The following SH2D3A variants were observed in gnomAD, a reference collection of about 807,000 sequenced individuals.
The protein encoded by SH2D3A is SH2 domain containing 3A, also known as SH2 domain-containing protein 3A.
SH2D3A carries 46 observed loss-of-function variants against 50.6 expected under a neutral mutation model. The observed-to-expected ratio is 0.91, with a 90% CI of 0.72 to 1.16. The LOEUF (loss-of-function observed/expected upper bound fraction) is 1.16, where lower values mean the gene tolerates loss of function less well. Ranked by LOEUF, SH2D3A falls within the 50% of genes most tolerant of loss-of-function variation. The probability of loss-of-function intolerance (pLI) is 0.00; values close to 1 mark genes in which losing one functional copy is unlikely to be tolerated. For missense variants in SH2D3A, 783 were observed against 786.2 expected (o/e 1.00, Z 0.05); for synonymous variants, 377 against 348.4 (o/e 1.08, Z -0.91).
In SH2D3A at chr19:6,754,126, C is replaced by T; in HGVS notation, c.1310G>A (p.Arg437Lys). Residue 437 changes from arginine (R) to lysine (K), a missense_variant, in exon 8 of 10, where the codon AGG becomes AAG. Coordinates refer to ENST00000245908, the MANE Select transcript of SH2D3A (RefSeq NM_005490.3). ...RLEHTWRQLRRSHTEAALAFE... is the reference protein window; with the variant it reads ...RLEHTWRQLRKSHTEAALAFE... ...GGCCAGCGCAGCCTCCGTGTGGCTC[C>T]TTCGGAGCTGGCGCCACGTGTGCTC... 1 of 1,613,618 alleles carries T rather than the reference C, an allele frequency of 6.2e-7. No individual in the cohort carries two copies. Among genetic ancestry groups the T allele is most frequent in the Non-Finnish European group, 8.5e-7 (1 of 1,179,808 alleles).
Position 6,760,756 on chromosome 19 carries a change from G to A in SH2D3A, c.301C>T (p.Pro101Ser), listed in dbSNP as rs747416409. ...LVHSYMTGRR[P>S]LSQATGAVVS... ...ACAGCCCCTGTGGCCTGGGACAGTG[G>A]GCGCCTGCCTGTCATATAACTGTGA... The change falls in exon 3 of 10, where the codon CCA (proline) becomes TCA (serine). Residue 101 changes from proline to serine, a missense_variant. Coordinates refer to ENST00000245908, the MANE Select transcript of SH2D3A (RefSeq NM_005490.3). 2.5e-6 allele frequency: 4 copies of A among 1,614,042 alleles called. No individual in the cohort carries two copies. Among genetic ancestry groups the A allele is most frequent in the African/African-American group, 1.3e-5 (1 of 74,926 alleles).
intron 1 of SH2D3A, 89 bp from the exon 2 acceptor site, chr19:6,763,905 C>CTT (rs1168778786): frequency 0.026 from 2,809 of 108,592 alleles, 42 homozygotes; most frequent in African/African-American, 0.035. Flanking sequence ...TCCATCAAAT[C>CTT]TTTTTTTTTT....
chr19:6,754,095 C>A lies in SH2D3A; in HGVS notation c.1341G>T (p.Glu447Asp). Residue 447 changes from glutamate to aspartate, a missense_variant, in exon 8 of 10, where the codon GAG becomes GAT. By Grantham distance (45) the Glu-to-Asp change is conservative (BLOSUM62 2). Transcript: ENST00000245908. ...RSHTEAALAF[E>D]QELKPLMRAL... ...CCCGCATCAGCGGCTTCAGCTCCTG[C>A]TCAAAGGCCAGCGCAGCCTCCGTGT... 2.5e-6 allele frequency: 4 copies of A among 1,613,072 alleles called. No individual in the cohort carries two copies. The highest frequency in any genetic ancestry group is 3.4e-6 in the Non-Finnish European group (4 of 1,179,522).
At chr19:6,762,997 G>T (rs779254434) in intron 2 of SH2D3A, among the ~76,000 whole-genome samples, 24 of 152,084 alleles carry the variant, frequency 1.6e-4, no homozygotes, top group Non-Finnish European at 3.2e-4. Context: ...GATGCTCAGG[G>T]TCCCAGAATT....
In SH2D3A at chr19:6,755,072, C is replaced by T; in HGVS notation, c.740G>A (p.Ser247Asn). 1 of 1,613,974 alleles carries T rather than the reference C, an allele frequency of 6.2e-7. No homozygotes were observed. The highest frequency in any genetic ancestry group is 8.5e-7 in the Non-Finnish European group (1 of 1,179,974). Residue 247 changes from serine to asparagine, a missense_variant, in exon 5 of 10, where the codon AGC (serine) becomes AAC (asparagine). Transcript: ENST00000245908. ...RVPSVQGTSP[S>N]QSCPEPEAPW... ...GGCCTCTGGCTCTGGGCAGCTTTGG[C>T]TCGGGGATGTTCCCTGGACACTGGG...
At chr19:6,758,120 C>T (rs1969798863) in intron 4 of SH2D3A, 1 of 151,780 alleles carries the variant, frequency 6.6e-6, no homozygotes, top group African/African-American at 2.4e-5. Context: ...GCCACTACAC[C>T]TGGCTAATTT....
At chr19:6,759,961 C>T (rs1004918704) in intron 3 of SH2D3A, among the ~76,000 whole-genome samples, 4 of 152,150 alleles carry the variant, frequency 2.6e-5, no homozygotes, top group African/African-American at 7.2e-5. Flanking sequence ...CAACCAAGGC[C>T]GGGTGCGGTG....
intron 8 of SH2D3A, 82 bp downstream of exon 8, chr19:6,753,970 G>A (rs1012968199): frequency 1.9e-5 from 27 of 1,443,388 alleles, no homozygotes; most frequent in Non-Finnish European, 2.3e-5. Flanking sequence ...ACAGATGCAG[G>A]GACTGGGCAT....
Position 6,753,610 on chromosome 19 carries a change from C to T in SH2D3A, c.1416G>A (p.Pro472=). Residue 472 remains proline (P), a synonymous_variant, in exon 9 of 10, where the codon CCG becomes CCA. Coordinates refer to ENST00000245908, the MANE Select transcript of SH2D3A (RefSeq NM_005490.3). ...GPCDPGEVAL[P]HVAPMVRLLE... ...GTAGGCGAACCATGGGTGCCACGTGCGGCAGCGCCACCTCGCCGGGGTCGC... is the reference window on the plus strand; with the variant it reads ...GTAGGCGAACCATGGGTGCCACGTGTGGCAGCGCCACCTCGCCGGGGTCGC... The T allele has an allele frequency of 6.3e-7, 1 of 1,588,350 alleles. No homozygotes were observed. Among genetic ancestry groups the T allele is most frequent in the Non-Finnish European group, 8.6e-7 (1 of 1,168,602 alleles).
chr19:6,756,211 AAATGTAT>A (rs1382833550), intron 4 of SH2D3A, among the ~76,000 whole-genome samples: 2 of 148,578 alleles, frequency 1.3e-5, no homozygotes, highest in Non-Finnish European at 3.0e-5. Context: ...TAACATTATT[AAATGTAT>A]AATGTTGCCC....
chr19:6,765,577 G>A (rs1360487208), intron 1 of SH2D3A, among the ~76,000 whole-genome samples: 7 of 151,644 alleles, frequency 4.6e-5, no homozygotes, highest in African/African-American at 1.5e-4. Flanking sequence ...GTGAAACCCC[G>A]TCTCTACTAA....
chr19:6,760,983 G>C lies in SH2D3A; in HGVS notation c.74C>G (p.Ala25Gly). 6.2e-7 allele frequency: 1 copy of C among 1,606,864 alleles called. No homozygotes were observed. Among genetic ancestry groups the C allele is most frequent in the Non-Finnish European group, 8.5e-7 (1 of 1,175,758 alleles). ...WYHGLLSRQK[A>G]EALLQQNGDF... Reference sequence around the variant, plus strand: ...GCCATTTTGCTGAAGAAGAGCTTCAGCCTTCTGTGGATGAAGTTCAGGGGG... The same window carrying C: ...GCCATTTTGCTGAAGAAGAGCTTCACCCTTCTGTGGATGAAGTTCAGGGGG... Residue 25 changes from alanine (A) to glycine (G), a missense_variant, in exon 3 of 10, where the codon GCT (alanine) becomes GGT (glycine). Coordinates refer to ENST00000245908, the MANE Select transcript of SH2D3A (RefSeq NM_005490.3).
In SH2D3A at chr19:6,754,882, C is replaced by T; in HGVS notation, c.930G>A (p.Leu310=). The change falls in exon 5 of 10, where the codon CTG becomes CTA. Residue 310 remains leucine, a synonymous_variant. Transcript: ENST00000245908. ...QVLHTLRGLF[L]EHHPGSTALH... ...GGGCGGTGCTCCCAGGATGGTGCTCCAGGAACAGGCCACGGAGGGTATGCA... is the reference window on the plus strand; with the variant it reads ...GGGCGGTGCTCCCAGGATGGTGCTCTAGGAACAGGCCACGGAGGGTATGCA... 2 of 1,599,942 alleles carry T rather than the reference C, an allele frequency of 1.3e-6. No homozygotes were observed. Among genetic ancestry groups the T allele is most frequent in the Non-Finnish European group, 1.7e-6 (2 of 1,171,516 alleles).
chr19:6,753,979 A>T (rs778178315), intron 8 of SH2D3A, 73 bp downstream of exon 8: 1 of 1,472,944 alleles, frequency 6.8e-7, no homozygotes, highest in Non-Finnish European at 9.1e-7. Context: ...GGGACTGGGC[A>T]TAGGACTAGA....
At chr19:6,761,034 G>A in intron 2 of SH2D3A, 47 bp from the exon 3 acceptor site, 2 of 1,459,476 alleles carry the variant, frequency 1.4e-6, no homozygotes, top group Non-Finnish European at 9.3e-7. Context: ...TGAGTCCAGG[G>A]CAGTGGTTAA....
chr19:6,755,526 T>G (rs1260176211), intron 4 of SH2D3A, among the ~76,000 whole-genome samples: 1 of 152,052 alleles, frequency 6.6e-6, no homozygotes, highest in Non-Finnish European at 1.5e-5. Flanking sequence ...CTTTAGCATC[T>G]CTATAGTTCT....
intron 4 of SH2D3A, 60 bp downstream of exon 4, chr19:6,759,534 C>G: frequency 2.7e-6 from 4 of 1,499,902 alleles, no homozygotes; most frequent in Admixed American, 3.4e-5. Flanking sequence ...ACCAAGATCT[C>G]TTAGGTGGTG....
rs369523600 is a variant in SH2D3A, at chr19:6,754,316, G to GCAGCGC, written c.1201_1206dup (p.Ala401_Leu402dup). 1.3e-3 allele frequency: 2,078 copies of GCAGCGC among 1,568,580 alleles called. 17 individuals are homozygous for GCAGCGC. In the African/African-American group the frequency reaches 0.024, roughly 18 times the overall value. On this transcript the variant is annotated inframe_insertion, in exon 7 of 10. Transcript: ENST00000245908. ...GGCAGGTCCCCCGCCGCCCCTGGCC[G>GCAGCGC]CAGCGCCAGCGCCAGCTCTACCAGT...
At chr19:6,763,643 C>G (rs1267161151) in intron 2 of SH2D3A, 37 bp downstream of exon 2, 1 of 1,598,984 alleles carries the variant, frequency 6.3e-7, no homozygotes. Context: ...GAGAGGCTCC[C>G]CACCAGATGG....
Sources: allele counts gnomAD v4.1 joint callset (sites outside exome capture counted in the v4.1 genomes callset), GRCh38; gene constraint gnomAD v4.1.1; transcripts MANE v1.5; gene names NCBI Gene and HGNC (gene_info 2026-07-23, HGNC 2026-07-21).